CWF19L2: variants seen among roughly 807,000 people sequenced by gnomAD.
CWF19L2 encodes the protein CWF19 like cell cycle control factor 2.
Under a neutral mutation model 111.7 loss-of-function variants are expected in CWF19L2, and 98 were observed. The ratio of observed to expected loss-of-function variants is 0.88; its 90% CI spans 0.75 to 1.04. CWF19L2 has a LOEUF of 1.04. CWF19L2 is among the 50% of genes least tolerant of loss of function. CWF19L2 has a pLI of 0.00. For missense variants in CWF19L2, 1,101 were observed against 1,051.4 expected, an observed-to-expected ratio of 1.05 and a Z score of -0.65; for synonymous variants, 351 against 342.9, an observed-to-expected ratio of 1.02 and a Z score of -0.26.
chr11:107,429,480 T>A (rs778410541), intron 7 of CWF19L2, 29 bp from the exon 8 acceptor site: 3 of 1,489,618 alleles, frequency 2.0e-6, no homozygotes, highest in South Asian at 1.4e-5. Context: ...AAACAAGATA[T>A]CTAAAATTAG....
Position 107,329,950 on chromosome 11 carries a change from C to A in CWF19L2, c.2509G>T (p.Asp837Tyr), listed in dbSNP as rs141650058. The A allele has an allele frequency of 9.4e-6, 15 of 1,592,650 alleles. No individual in the cohort carries two copies. Among genetic ancestry groups the A allele is most frequent in the Non-Finnish European group, 1.3e-5 (15 of 1,169,530 alleles). ...LHGGFAHVIE[D>Y]QHKFPHYFGK... ...AAGTAATGAGGGAATTTGTGCTGAT[C>A]TTCAATGACATGGGCAAACCCTCCG... Residue 837 changes from aspartate (D) to tyrosine (Y), a missense_variant, in exon 17 of 18, where the codon GAT (aspartate) becomes TAT (tyrosine). Asp to Tyr is a radical substitution (Grantham distance 160, BLOSUM62 -3). Coordinates refer to ENST00000282251, the MANE Select transcript of CWF19L2 (RefSeq NM_152434.3).
Position 107,382,263 on chromosome 11 carries a change from T to A in CWF19L2, c.1872+7811A>T, listed in dbSNP as rs2134585255. 1.3e-5 allele frequency among the ~76,000 whole-genome samples: 2 copies of A among 152,330 alleles called. 1 individual carries two copies. The highest frequency in any genetic ancestry group is 4.1e-4 in the South Asian group (2 of 4,822). On this transcript the variant is annotated intron_variant, in intron 12 of 17. Transcript: ENST00000282251. ...ATACATGGAAATTGGACAAAGACAA[T>A]TAAATTTAGGCAACAGTCAACAACT... is the stretch of plus-strand genomic sequence containing the variant.
At chr11:107,380,436 T>C (rs1258225410) in intron 12 of CWF19L2, among the ~76,000 whole-genome samples, 1 of 152,194 alleles carries the variant, frequency 6.6e-6, no homozygotes, top group African/African-American at 2.4e-5. Flanking sequence ...AATTTAAACT[T>C]TGATTAAAAT....
intron 8 of CWF19L2, among the ~76,000 whole-genome samples, chr11:107,425,813 G>T (rs1861368066): frequency 6.6e-6 from 1 of 151,652 alleles, no homozygotes; most frequent in Non-Finnish European, 1.5e-5. Context: ...ATATAAAATG[G>T]GTTAGTTTCT....
rs967735787 is a variant in CWF19L2 at position 107,378,456 on chromosome 11, T to C, written c.1872+11618A>G. The stretch of plus-strand genomic sequence containing the variant: ...GCAGCCGTAAAAAATGATGAGTTCA[T>C]GTCCTTTGTAGGGACATGGATGAAA... On this transcript the variant is annotated intron_variant, in intron 12 of 17. Transcript: ENST00000282251. Among the ~76,000 whole-genome samples, 106 of 152,296 alleles carry C rather than the reference T, an allele frequency of 7.0e-4. 1 individual carries two copies. The highest frequency in any genetic ancestry group is 3.4e-3 in the Middle Eastern group (1 of 294).
At chr11:107,399,269 T>C (rs941463980) in intron 10 of CWF19L2, among the ~76,000 whole-genome samples, 1 of 152,182 alleles carries the variant, frequency 6.6e-6, no homozygotes, top group African/African-American at 2.4e-5. Flanking sequence ...ACTTAAAAGA[T>C]ACGGAATCAC....
rs1408970918 is a variant in CWF19L2 at position 107,341,941 on chromosome 11, T to G, written c.2203-5228A>C. ...TTATTTCTGATATTGGTAACTTGTT[T>G]TTTCTCATTTTTTTTCCTTTGTTGG... On this transcript the variant is annotated intron_variant, in intron 14 of 17. Transcript: ENST00000282251. Among the ~76,000 whole-genome samples the G allele has an allele frequency of 2.6e-5, 4 of 152,136 alleles. No individual in the cohort carries two copies. In the East Asian group the frequency reaches 7.7e-4, roughly 29 times the overall value.
intron 13 of CWF19L2, among the ~76,000 whole-genome samples, chr11:107,351,520 A>C (rs1157924015): frequency 1.3e-5 from 2 of 152,208 alleles, no homozygotes; most frequent in East Asian, 3.8e-4. Context: ...TTAAAATGTA[A>C]ATTTGCTAGT....
chr11:107,435,045 A>G (rs902296832), intron 6 of CWF19L2, among the ~76,000 whole-genome samples: 2 of 152,138 alleles, frequency 1.3e-5, no homozygotes, highest in Non-Finnish European at 2.9e-5. Flanking sequence ...ATATTTTTAT[A>G]TATGTCACAT....
At chr11:107,381,267 C>A (rs2134584144) in intron 12 of CWF19L2, among the ~76,000 whole-genome samples, 1 of 152,176 alleles carries the variant, frequency 6.6e-6, no homozygotes, top group South Asian at 2.1e-4. Flanking sequence ...ATAAAAAACC[C>A]AACTAGGACC....
chr11:107,416,735 T>C (rs1220381084), intron 9 of CWF19L2, among the ~76,000 whole-genome samples: 3 of 152,194 alleles, frequency 2.0e-5, no homozygotes, highest in African/African-American at 2.4e-5. Context: ...AGGAAACTTA[T>C]AGAAATTTAT....
At chr11:107,397,931 C>T (rs972879165) in intron 10 of CWF19L2, among the ~76,000 whole-genome samples, 2 of 152,118 alleles carry the variant, frequency 1.3e-5, no homozygotes, top group East Asian at 1.9e-4. Flanking sequence ...ACACTGCAGT[C>T]GGGTTCACAG....
chr11:107,341,449 T>G (rs1860003587), intron 14 of CWF19L2, among the ~76,000 whole-genome samples: 1 of 152,206 alleles, frequency 6.6e-6, no homozygotes, highest in Non-Finnish European at 1.5e-5. Context: ...TACTTGGACA[T>G]AGTGTGTTAT....
chr11:107,445,675 C>T (rs979715809), intron 3 of CWF19L2, among the ~76,000 whole-genome samples: 14 of 151,742 alleles, frequency 9.2e-5, no homozygotes, highest in African/African-American at 3.4e-4. Flanking sequence ...TCCAGGAGAC[C>T]TAATTAATCT....
At chr11:107,381,330 T>A (rs940112832) in intron 12 of CWF19L2, among the ~76,000 whole-genome samples, 4 of 152,128 alleles carry the variant, frequency 2.6e-5, no homozygotes, top group African/African-American at 9.7e-5. Context: ...TTCCTCCCAC[T>A]CCCATCACCT....
intron 4 of CWF19L2, 90 bp from the exon 5 acceptor site, chr11:107,441,712 A>T (rs1253678880): frequency 2.3e-6 from 3 of 1,311,578 alleles, no homozygotes; most frequent in African/African-American, 3.0e-5. Context: ...TGGTAATAAG[A>T]GCAGGGACTT....
intron 10 of CWF19L2, chr11:107,403,670 T>C: frequency 1.3e-6 from 1 of 777,780 alleles, no homozygotes; most frequent in Non-Finnish European, 2.4e-6. Context: ...TGCTTGTTCT[T>C]CCTCAGGAAT....
chr11:107,442,884 G>GGGAA lies in CWF19L2; in HGVS notation c.450+54_450+55insTTCC, dbSNP rs1861651023. On this transcript the variant is annotated intron_variant, in intron 4 of 17. Coordinates refer to ENST00000282251, the MANE Select transcript of CWF19L2 (RefSeq NM_152434.3). ...AGAGAGGGAAGGAGGGAGGGAGGGA[G>GGGAA]GAAGGAAGGAAGGAAGGAAGAAAGC... The GGGAA allele has an allele frequency of 6.7e-6, 7 of 1,038,088 alleles. No homozygotes were observed. The East Asian group carries it at 8.0e-5, about 12-fold the overall frequency. 64.3% of individuals were successfully genotyped at this position (1,038,088 alleles called of 1,614,324 possible). A position where few individuals can be genotyped will look rare whatever the true frequency, so the allele number is the denominator to read the frequency against.
At chr11:107,342,280 A>C (rs1428836392) in intron 14 of CWF19L2, among the ~76,000 whole-genome samples, 1 of 151,418 alleles carries the variant, frequency 6.6e-6, no homozygotes, top group Admixed American at 6.6e-5. Context: ...ATTTCTCCTG[A>C]AACTTCTTTT....
Sources: gnomAD v4.1 joint callset for allele counts (sites outside exome capture counted in the v4.1 genomes callset) on GRCh38, gnomAD v4.1.1 for gene constraint, MANE v1.5 for transcripts, NCBI Gene and HGNC (gene_info 2026-07-23, HGNC 2026-07-21) for gene names.